The following CAST variants were observed in gnomAD, a reference collection of about 807,000 sequenced individuals.
CAST encodes the protein MIR583 host.
A neutral mutation model predicts 119.6 loss-of-function variants in CAST; 76 were observed. That is an observed-to-expected ratio of 0.64 (90% CI 0.53 to 0.77). The LOEUF is 0.77. Ranked by LOEUF, CAST falls within the 30% of genes least tolerant of loss-of-function variation. CAST has a pLI of 0.00. For synonymous variants in CAST, 319 were observed against 331.6 expected, an observed-to-expected ratio of 0.96 and a Z score of 0.41; for missense variants, 953 against 946.5, an observed-to-expected ratio of 1.01 and a Z score of -0.09.
At chr5:96,440,670 G>A in the CAST span, among the ~76,000 whole-genome samples, 1 of 152,052 alleles carries the variant, frequency 6.6e-6, no homozygotes, top group African/African-American at 2.4e-5. Context: ...AATCATTTAG[G>A]GTAGGGCCAT....
the CAST span, among the ~76,000 whole-genome samples, chr5:96,063,940 G>A: frequency 1.3e-5 from 2 of 152,106 alleles, no homozygotes; most frequent in African/African-American, 2.4e-5. Flanking sequence ...AGGCTCCTAA[G>A]CCATCATTAG....
intron 1 of CAST, among the ~76,000 whole-genome samples, chr5:96,554,161 A>C (rs1481522508): frequency 6.6e-6 from 1 of 152,208 alleles, no homozygotes; most frequent in Admixed American, 6.5e-5. Context: ...ACTTTACTAC[A>C]AGACTCCAGT....
chr5:96,346,319 G>T, the CAST span, among the ~76,000 whole-genome samples: 2 of 152,168 alleles, frequency 1.3e-5, no homozygotes, highest in Non-Finnish European at 1.5e-5. Flanking sequence ...ATATTAGCTT[G>T]CAAGTACCTG....
At chr5:96,281,347 T>C in the CAST span, among the ~76,000 whole-genome samples, 7 of 152,194 alleles carry the variant, frequency 4.6e-5, 1 homozygote, top group East Asian at 1.9e-4. Context: ...GAATTCTTTT[T>C]GTTTTTGCTC....
chr5:96,584,630 A>G (rs1187916529), intron 1 of CAST: 1 of 152,234 alleles, frequency 6.6e-6, no homozygotes, highest in Non-Finnish European at 1.5e-5. Flanking sequence ...TGGACATAAT[A>G]TGGAGAAAGT....
At chr5:96,160,933 A>G in the CAST span, among the ~76,000 whole-genome samples, 84 of 152,302 alleles carry the variant, frequency 5.5e-4, no homozygotes, top group East Asian at 0.016. Flanking sequence ...GTTAATTACA[A>G]TAATTTGCCC....
At chr5:96,140,828 C>T in the CAST span, among the ~76,000 whole-genome samples, 1 of 152,144 alleles carries the variant, frequency 6.6e-6, no homozygotes, top group Non-Finnish European at 1.5e-5. Flanking sequence ...GGCATCATTA[C>T]CCCTATCAAT....
At chr5:96,202,328 C>T in the CAST span, among the ~76,000 whole-genome samples, 2 of 151,988 alleles carry the variant, frequency 1.3e-5, no homozygotes, top group Non-Finnish European at 2.9e-5. Flanking sequence ...TTTGGAATTC[C>T]TAATACCTAC....
the CAST span, among the ~76,000 whole-genome samples, chr5:96,009,704 G>T: frequency 6.6e-6 from 1 of 152,010 alleles, no homozygotes; most frequent in East Asian, 1.9e-4. Context: ...ACCTTTGTTG[G>T]ATGCGTAGTT....
At position 96,726,850 on chromosome 5, in the gene CAST, C is replaced by T. The variant is rs956485096; in HGVS notation, c.327C>T (p.His109=). ...EGPHLPNKKK[H]KKQAVKTEPE... is the part of the protein sequence containing the mutation. Reference sequence around the variant, plus strand: ...CACATCTTCCTAACAAGAAAAAACACAAAAAACAGGTGATGTTGTTCATTG... The same window carrying T: ...CACATCTTCCTAACAAGAAAAAACATAAAAAACAGGTGATGTTGTTCATTG... The change falls in exon 5 of 32, where the codon CAC becomes CAT. Residue 109 remains histidine, a synonymous_variant. Coordinates refer to ENST00000675179, the MANE Select transcript of CAST (RefSeq NM_001750.7). 7 of 1,611,460 alleles carry T rather than the reference C, an allele frequency of 4.3e-6. No individual in the cohort carries two copies. The highest frequency in any genetic ancestry group is 5.9e-6 in the Non-Finnish European group (7 of 1,178,154).
chr5:96,336,837 A>T, the CAST span, among the ~76,000 whole-genome samples: 1 of 152,174 alleles, frequency 6.6e-6, no homozygotes, highest in Non-Finnish European at 1.5e-5. Flanking sequence ...TTCCTTTAAT[A>T]TCTGAGGACT....
upstream of CAST, among the ~76,000 whole-genome samples, chr5:96,526,029 G>A (rs1449358996): frequency 6.7e-6 from 1 of 149,456 alleles, no homozygotes; most frequent in Non-Finnish European, 1.5e-5. Context: ...ACATGCCATC[G>A]GTTGGTGATG....
chr5:96,140,161 G>C, the CAST span, among the ~76,000 whole-genome samples: 2 of 152,172 alleles, frequency 1.3e-5, no homozygotes, highest in Non-Finnish European at 2.9e-5. Context: ...AATAGCTAGG[G>C]TTCTACTGGG....
At chr5:96,405,082 G>C in the CAST span, among the ~76,000 whole-genome samples, 1 of 152,202 alleles carries the variant, frequency 6.6e-6, no homozygotes, top group East Asian at 1.9e-4. Flanking sequence ...TTCAGCTTTG[G>C]TATAGACAAT....
At chr5:96,688,705 G>C (rs999164367) in intron 2 of CAST, among the ~76,000 whole-genome samples, 1 of 152,068 alleles carries the variant, frequency 6.6e-6, no homozygotes, top group Admixed American at 6.6e-5. Flanking sequence ...ACTGAAATTA[G>C]TTGTCTTGGA....
At chr5:96,582,874 T>G (rs930653844) in intron 1 of CAST, among the ~76,000 whole-genome samples, 9 of 152,206 alleles carry the variant, frequency 5.9e-5, no homozygotes, top group Non-Finnish European at 1.5e-5. Context: ...TAGAAAAGAA[T>G]GTGAATGTCA....
the CAST span, among the ~76,000 whole-genome samples, chr5:96,338,557 C>T: frequency 6.6e-6 from 1 of 152,228 alleles, no homozygotes; most frequent in East Asian, 1.9e-4. Flanking sequence ...CATCACTTCT[C>T]CCCCCAAACA....
At chr5:96,712,401 G>A (rs190737773) in intron 3 of CAST, among the ~76,000 whole-genome samples, 1 of 152,066 alleles carries the variant, frequency 6.6e-6, no homozygotes, top group African/African-American at 2.4e-5. Flanking sequence ...GTGCAATCAC[G>A]GGCCACTGCA....
intron 22 of CAST, among the ~76,000 whole-genome samples, 195 bp from the exon 23 acceptor site, chr5:96,757,249 G>A (rs1203025164): frequency 2.0e-5 from 3 of 152,236 alleles, no homozygotes; most frequent in African/African-American, 7.2e-5. Context: ...AATGCCTGGT[G>A]CTTGTGAGCT....
Sources: gnomAD v4.1 joint callset for allele counts (sites outside exome capture counted in the v4.1 genomes callset) on GRCh38, gnomAD v4.1.1 for gene constraint, MANE v1.5 for transcripts, NCBI Gene and HGNC (gene_info 2026-07-23, HGNC 2026-07-21) for gene names.